Variants in GRIA1 observed in about 807,000 individuals in gnomAD.
GRIA1 encodes the protein glutamate receptor 1.
Under a neutral mutation model 99.2 loss-of-function variants are expected in GRIA1, and 31 were observed. The ratio of observed to expected loss-of-function variants is 0.31; its 90% confidence interval spans 0.23 to 0.42. The LOEUF is 0.42. GRIA1 is among the 10% of genes least tolerant of loss of function. GRIA1 has a pLI of 1.00. For synonymous variants in GRIA1, 438 were observed against 432.4 expected, an observed-to-expected ratio of 1.01 and a Z score of -0.16; for missense variants, 782 against 1,157.5, an observed-to-expected ratio of 0.68 and a Z score of 4.71.
intron 2 of GRIA1, among the ~76,000 whole-genome samples, chr5:153,632,054 T>C (rs575096399): frequency 5.9e-5 from 9 of 152,280 alleles, no homozygotes; most frequent in African/African-American, 2.2e-4. Flanking sequence ...ATTCAAAGCA[T>C]GATGAGAAAG....
upstream of GRIA1, chr5:153,489,684 ATC>A: frequency 9.8e-6 from 4 of 408,250 alleles, no homozygotes; most frequent in South Asian, 7.4e-5. Flanking sequence ...AACACAGCTG[ATC>A]TCTCTACAGG....
chr5:153,700,600 C>A (rs1758444798), intron 10 of GRIA1, among the ~76,000 whole-genome samples: 1 of 151,988 alleles, frequency 6.6e-6, no homozygotes, highest in East Asian at 1.9e-4. Context: ...ATTGGGAGAT[C>A]ACGAAGGTAT....
chr5:153,628,652 A>T (rs1009932623), intron 2 of GRIA1, among the ~76,000 whole-genome samples: 3 of 152,142 alleles, frequency 2.0e-5, no homozygotes, highest in African/African-American at 4.8e-5. Context: ...CTTCATCTGC[A>T]TTTGTCCTCT....
chr5:153,725,562 A>G (rs1394507333), intron 11 of GRIA1, among the ~76,000 whole-genome samples: 1 of 104,634 alleles, frequency 9.6e-6, no homozygotes. Context: ...TACCAAGCAA[A>G]TGGAAAACAA....
intron 2 of GRIA1, among the ~76,000 whole-genome samples, chr5:153,531,357 C>A (rs1340250788): frequency 2.0e-5 from 3 of 152,136 alleles, no homozygotes; most frequent in African/African-American, 7.2e-5. Flanking sequence ...CCTCTACGGG[C>A]CCAGCCAACC....
At chr5:153,519,353 T>C (rs1756929938) in intron 2 of GRIA1, among the ~76,000 whole-genome samples, 1 of 151,898 alleles carries the variant, frequency 6.6e-6, no homozygotes, top group South Asian at 2.1e-4. Context: ...CAGCACTCTG[T>C]TTTAACAGGC....
At chr5:153,563,587 C>T (rs1354692303) in intron 2 of GRIA1, among the ~76,000 whole-genome samples, 2 of 152,218 alleles carry the variant, frequency 1.3e-5, no homozygotes, top group Admixed American at 1.3e-4. Context: ...TTGTTCTCTG[C>T]TGCTTCCACC....
intron 2 of GRIA1, among the ~76,000 whole-genome samples, chr5:153,637,541 T>C (rs1360500509): frequency 6.6e-6 from 1 of 152,022 alleles, no homozygotes; most frequent in Non-Finnish European, 1.5e-5. Context: ...TGCTAAGGAG[T>C]TTGCCATATG....
At chr5:153,774,071 C>T (rs1307184663) in intron 13 of GRIA1, among the ~76,000 whole-genome samples, 6 of 74,158 alleles carry the variant, frequency 8.1e-5, no homozygotes, top group Non-Finnish European at 1.6e-4. Context: ...CCCAACCCCC[C>T]CTCCCCCCAC....
chr5:153,767,837 C>T (rs563250849), intron 12 of GRIA1, among the ~76,000 whole-genome samples: 10 of 152,308 alleles, frequency 6.6e-5, no homozygotes, highest in African/African-American at 2.2e-4. Context: ...GAGTATGCTT[C>T]CAATCTTCCC....
intron 2 of GRIA1, among the ~76,000 whole-genome samples, chr5:153,624,564 A>T (rs185717009): frequency 6.6e-6 from 1 of 152,252 alleles, no homozygotes; most frequent in Non-Finnish European, 1.5e-5. Flanking sequence ...AAGATTTTAC[A>T]GTACCAGGAA....
intron 2 of GRIA1, among the ~76,000 whole-genome samples, chr5:153,520,175 G>A (rs1223139047): frequency 4.6e-5 from 7 of 152,156 alleles, no homozygotes; most frequent in East Asian, 3.8e-4. Context: ...AGCAAGCAGC[G>A]TTTCTTTTCT....
At chr5:153,574,310 G>C (rs1762358393) in intron 2 of GRIA1, 1 of 152,140 alleles carries the variant, frequency 6.6e-6, no homozygotes, top group South Asian at 2.1e-4. Flanking sequence ...ATTATTAATA[G>C]TAACAACAAT....
Position 153,541,147 on chromosome 5 carries a change from G to A in GRIA1, c.220+47082G>A, listed in dbSNP as rs563756062. Among the ~76,000 whole-genome samples the A allele has an allele frequency of 3.3e-5, 5 of 152,172 alleles. No homozygotes were observed. In the South Asian group the frequency reaches 1.0e-3, roughly 32 times the overall value. On this transcript the variant is annotated intron_variant, in intron 2 of 15. Transcript: ENST00000285900. ...TGGCATAACTTGGCCCCTAATCACAGTATAAGCAAATTCTTCCTCCATTCT... is the reference window on the plus strand; with the variant it reads ...TGGCATAACTTGGCCCCTAATCACAATATAAGCAAATTCTTCCTCCATTCT...
intron 2 of GRIA1, among the ~76,000 whole-genome samples, chr5:153,494,784 T>C (rs1051077187): frequency 3.3e-5 from 5 of 152,206 alleles, no homozygotes; most frequent in Non-Finnish European, 5.9e-5. Flanking sequence ...GCTCACATGA[T>C]TGGCTTTTCA....
In GRIA1 at chr5:153,515,462, C is replaced by T. The variant is rs376844835; in HGVS notation, c.220+21397C>T. ...GAAGTAAAGAGTAGAATGGTGGTTG[C>T]AGAGGCTGGGGACTTGGGGCATATG... On this transcript the variant is annotated intron_variant, in intron 2 of 15. Transcript: ENST00000285900. 7.9e-4 allele frequency among the ~76,000 whole-genome samples: 121 copies of T among 152,222 alleles called. 1 individual carries two copies. The South Asian group carries it at 8.3e-3, about 10-fold the overall frequency.
chr5:153,642,340 G>C (rs906483856), intron 2 of GRIA1, among the ~76,000 whole-genome samples: 2 of 152,208 alleles, frequency 1.3e-5, no homozygotes, highest in Non-Finnish European at 2.9e-5. Context: ...ACCCACCTCA[G>C]GGAATGAAAG....
chr5:153,720,243 T>C (rs1161108257), intron 11 of GRIA1, among the ~76,000 whole-genome samples: 1 of 152,214 alleles, frequency 6.6e-6, no homozygotes, highest in Non-Finnish European at 1.5e-5. Context: ...TGAAAATAGC[T>C]CAAGTGACCC....
At chr5:153,656,387 ATAT>A (rs1561735824) in intron 5 of GRIA1, among the ~76,000 whole-genome samples, 3 of 143,506 alleles carry the variant, frequency 2.1e-5, no homozygotes, top group African/African-American at 7.7e-5. Context: ...GTTTGTTTAT[ATAT>A]ATATATATAT....
Sources: allele counts gnomAD v4.1 joint callset (sites outside exome capture counted in the v4.1 genomes callset), GRCh38; gene constraint gnomAD v4.1.1; transcripts MANE v1.5; gene names NCBI Gene and HGNC (gene_info 2026-07-23, HGNC 2026-07-21).